Variants in SEMA3E observed in about 807,000 individuals in gnomAD.
SEMA3E encodes the protein semaphorin 3E.
Under a neutral mutation model 93.6 loss-of-function variants are expected in SEMA3E, and 49 were observed. The observed-to-expected ratio is 0.52, with a 90% CI of 0.42 to 0.66. The LOEUF is 0.66. Among genes scored for constraint, SEMA3E ranks in the 30% least tolerant of loss-of-function variants. The pLI is 0.00. For missense variants in SEMA3E, 906 were observed against 964.8 expected, an observed-to-expected ratio of 0.94 and a Z score of 0.81; for synonymous variants, 363 against 330.7, an observed-to-expected ratio of 1.10 and a Z score of -1.06.
intron 1 of SEMA3E, among the ~76,000 whole-genome samples, chr7:83,647,292 T>G (rs1006717182): frequency 6.6e-6 from 1 of 152,160 alleles, no homozygotes; most frequent in Non-Finnish European, 1.5e-5. Flanking sequence ...GCCAAACGTG[T>G]CACATAAAAT....
chr7:83,628,608 C>T (rs1793723372), intron 1 of SEMA3E, among the ~76,000 whole-genome samples: 1 of 151,640 alleles, frequency 6.6e-6, no homozygotes, highest in Non-Finnish European at 1.5e-5. Flanking sequence ...TCACAAAGTT[C>T]TCATGCTGTG....
chr7:83,471,283 C>G (rs1789888488), intron 2 of SEMA3E, among the ~76,000 whole-genome samples: 1 of 148,430 alleles, frequency 6.7e-6, no homozygotes, highest in African/African-American at 2.5e-5. Flanking sequence ...ATTAGCTGCT[C>G]AATCAAATCT....
intron 1 of SEMA3E, among the ~76,000 whole-genome samples, chr7:83,613,312 G>C (rs1253231362): frequency 6.6e-6 from 1 of 151,926 alleles, no homozygotes; most frequent in African/African-American, 2.4e-5. Flanking sequence ...AAAATATACA[G>C]AAGTAAAACA....
At chr7:83,638,205 C>T (rs183473941) in intron 1 of SEMA3E, among the ~76,000 whole-genome samples, 10 of 152,096 alleles carry the variant, frequency 6.6e-5, no homozygotes, top group Non-Finnish European at 1.2e-4. Context: ...ACAGCTTTAT[C>T]GTGCATGGTG....
intron 1 of SEMA3E, among the ~76,000 whole-genome samples, chr7:83,622,313 TA>T (rs1380480427): frequency 6.6e-6 from 1 of 152,098 alleles, no homozygotes; most frequent in Non-Finnish European, 1.5e-5. Flanking sequence ...TGGTGATTAT[TA>T]AAAAGTCAAG....
intron 1 of SEMA3E, among the ~76,000 whole-genome samples, chr7:83,527,173 G>A (rs1211613861): frequency 7.3e-6 from 1 of 137,510 alleles, no homozygotes. Flanking sequence ...ACCACCATGA[G>A]CTAAGAAGTG....
At chr7:83,538,595 AT>A (rs201416017) in intron 1 of SEMA3E, among the ~76,000 whole-genome samples, 11 of 152,124 alleles carry the variant, frequency 7.2e-5, no homozygotes, top group African/African-American at 2.4e-4. Flanking sequence ...TTAAATCATT[AT>A]TTTTTACATG....
At chr7:83,626,912 T>C (rs1793681647) in intron 1 of SEMA3E, among the ~76,000 whole-genome samples, 2 of 152,212 alleles carry the variant, frequency 1.3e-5, no homozygotes, top group Admixed American at 6.5e-5. Context: ...TTTGTCTTTC[T>C]TCTCATTGGT....
intron 1 of SEMA3E, among the ~76,000 whole-genome samples, chr7:83,630,891 A>G (rs1793773161): frequency 6.6e-6 from 1 of 152,196 alleles, no homozygotes; most frequent in East Asian, 1.9e-4. Context: ...AATATTTTTA[A>G]CGCATAAAGT....
chr7:83,378,708 C>T (rs565872654), intron 16 of SEMA3E, among the ~76,000 whole-genome samples: 3 of 151,960 alleles, frequency 2.0e-5, no homozygotes, highest in Non-Finnish European at 4.4e-5. Flanking sequence ...TTTTATTACA[C>T]CACACCCTCC....
rs146189665 is a variant in SEMA3E at position 83,490,177 on chromosome 7, G to A, written c.213C>T (p.Phe71=). The change falls in exon 2 of 17, where the codon TTC becomes TTT. Residue 71 remains phenylalanine (F), a synonymous_variant. Coordinates refer to ENST00000643230, the MANE Select transcript of SEMA3E (RefSeq NM_012431.3). ...MLLDEYQERL[F]VGGRDLVYSL... is the part of the protein sequence containing the mutation. The stretch of plus-strand genomic sequence containing the variant: ...AATATACAAGGTCCCTGCCTCCCAC[G>A]AAGAGCCTCTCTTGATATTCATCCA... 9.9e-6 allele frequency: 16 copies of A among 1,612,816 alleles called. No homozygotes were observed. The African/African-American group carries it at 1.2e-4, about 12-fold the overall frequency.
intron 1 of SEMA3E, among the ~76,000 whole-genome samples, chr7:83,536,273 G>C (rs1480767419): frequency 6.6e-6 from 1 of 151,932 alleles, no homozygotes; most frequent in East Asian, 1.9e-4. Flanking sequence ...TGAACATGCA[G>C]AGAAATACCT....
Position 83,402,691 on chromosome 7 carries a change from C to T in SEMA3E, c.1084G>A (p.Gly362Arg), listed in dbSNP as rs751565672. Residue 362 changes from glycine (G) to arginine (R), a missense_variant, in exon 10 of 17, where the codon GGA (glycine) becomes AGA (arginine). Coordinates refer to ENST00000643230, the MANE Select transcript of SEMA3E (RefSeq NM_012431.3). ...TAGACTGACCAGTGGTATTCAGGTC[C>T]TTCCTTATGTGCATATGGTCCGTTG... ...AFNGPYAHKE[G>R]PEYHWSVYEG... 4.3e-6 allele frequency: 7 copies of T among 1,613,000 alleles called. No individual in the cohort carries two copies. In the East Asian group the frequency reaches 1.1e-4, roughly 26 times the overall value.
At chr7:83,433,495 C>G (rs1788932070) in intron 4 of SEMA3E, among the ~76,000 whole-genome samples, 2 of 152,080 alleles carry the variant, frequency 1.3e-5, no homozygotes, top group Non-Finnish European at 2.9e-5. Context: ...TCAAGTCAAA[C>G]TACAACAACC....
intron 1 of SEMA3E, among the ~76,000 whole-genome samples, chr7:83,628,136 A>G (rs1793708575): frequency 6.6e-6 from 1 of 152,084 alleles, no homozygotes; most frequent in Non-Finnish European, 1.5e-5. Flanking sequence ...AGAATGTTGA[A>G]TGTTGACCTC....
At chr7:83,643,976 T>C (rs1438458187) in intron 1 of SEMA3E, among the ~76,000 whole-genome samples, 1 of 151,972 alleles carries the variant, frequency 6.6e-6, no homozygotes, top group African/African-American at 2.4e-5. Flanking sequence ...ACCAAAGCTA[T>C]GAGCTGGGTC....
chr7:83,532,367 G>A (rs1462068697), intron 1 of SEMA3E, among the ~76,000 whole-genome samples: 1 of 152,106 alleles, frequency 6.6e-6, no homozygotes, highest in African/African-American at 2.4e-5. Context: ...CCTTACTACA[G>A]TATGGAAGTG....
At chr7:83,457,779 A>C (rs971009076) in intron 4 of SEMA3E, among the ~76,000 whole-genome samples, 1 of 152,080 alleles carries the variant, frequency 6.6e-6, no homozygotes, top group South Asian at 2.1e-4. Flanking sequence ...AATAACACAA[A>C]ATGCCAATGT....
chr7:83,448,641 T>C (rs1789287961), intron 4 of SEMA3E, among the ~76,000 whole-genome samples: 1 of 152,240 alleles, frequency 6.6e-6, no homozygotes. Context: ...TCTTCAGGTA[T>C]ACTTTTTCAA....
Sources: allele counts gnomAD v4.1 joint callset (sites outside exome capture counted in the v4.1 genomes callset), GRCh38; gene constraint gnomAD v4.1.1; transcripts MANE v1.5; gene names NCBI Gene and HGNC (gene_info 2026-07-23, HGNC 2026-07-21).